Variants in WNT7B observed in about 807,000 individuals in gnomAD.
WNT7B encodes the protein protein Wnt-7b.
A neutral mutation model predicts 38.2 loss-of-function variants in WNT7B; 19 were observed. The observed-to-expected ratio is 0.50, with a 90% CI of 0.35 to 0.73. WNT7B has a LOEUF of 0.73. Among genes scored for constraint, WNT7B ranks in the 30% least tolerant of loss-of-function variants. The probability of loss-of-function intolerance (pLI) is 0.01; values close to 1 mark genes in which losing one functional copy is unlikely to be tolerated. For missense variants in WNT7B, 423 were observed against 507.9 expected, an observed-to-expected ratio of 0.83 and a Z score of 1.61; for synonymous variants, 243 against 209.3, an observed-to-expected ratio of 1.16 and a Z score of -1.39.
At chr22:45,930,058 C>A (rs762502892) in intron 3 of WNT7B, among the ~76,000 whole-genome samples, 2 of 148,620 alleles carry the variant, frequency 1.3e-5, no homozygotes, top group African/African-American at 5.0e-5. Flanking sequence ...TGTTCAAGAT[C>A]TCTTCTGTGC....
chr22:45,932,210 G>A (rs1931385648), intron 2 of WNT7B, among the ~76,000 whole-genome samples: 1 of 152,176 alleles, frequency 6.6e-6, no homozygotes, highest in Non-Finnish European at 1.5e-5. Flanking sequence ...TGGGAGGGGA[G>A]GGTCCCAGGT....
intron 1 of WNT7B, among the ~76,000 whole-genome samples, chr22:45,964,217 A>C (rs920716281): frequency 6.6e-6 from 1 of 151,782 alleles, no homozygotes; most frequent in Non-Finnish European, 1.5e-5. Flanking sequence ...CTCTCTCCAC[A>C]ACACCAGCCT....
chr22:45,945,723 C>A (rs956133619), intron 2 of WNT7B, among the ~76,000 whole-genome samples: 1 of 152,246 alleles, frequency 6.6e-6, no homozygotes, highest in Non-Finnish European at 1.5e-5. Flanking sequence ...ACCACACGAC[C>A]CCTGGCCTCT....
chr22:45,967,928 G>A (rs1932348820), intron 1 of WNT7B, among the ~76,000 whole-genome samples: 1 of 152,168 alleles, frequency 6.6e-6, no homozygotes, highest in South Asian at 2.1e-4. Flanking sequence ...CCGTGGGACT[G>A]CATAGGGGGA....
chr22:45,954,613 C>A (rs1782620245), intron 1 of WNT7B: 1 of 985,160 alleles, frequency 1.0e-6, no homozygotes, highest in African/African-American at 1.7e-5. Flanking sequence ...CCCTGCGTGC[C>A]CGTGCATGGG....
intron 1 of WNT7B, among the ~76,000 whole-genome samples, chr22:45,962,287 C>A (rs1318276256): frequency 1.3e-5 from 2 of 152,238 alleles, no homozygotes; most frequent in African/African-American, 4.8e-5. Context: ...ACACTCCCAG[C>A]CACCATATCT....
In WNT7B at chr22:45,976,379, C is replaced by T. The variant is rs1932551843; in HGVS notation, c.71+305G>A. Reference sequence around the variant, plus strand: ...GGGAAGGCGCGTCCCACCCCCGGGGCCTGGAGCCCAAACAGGTGAAAGTAC... The same window carrying T: ...GGGAAGGCGCGTCCCACCCCCGGGGTCTGGAGCCCAAACAGGTGAAAGTAC... On this transcript the variant is annotated intron_variant, in intron 1 of 3. Transcript: ENST00000339464. This position sits in a 1 kb window ranked among gnomAD's most constrained non-coding sequence, Gnocchi z 8.5. 6.6e-6 allele frequency among the ~76,000 whole-genome samples: 1 copy of T among 151,352 alleles called. No homozygotes were observed.
rs562963874 is a variant in WNT7B, at chr22:45,929,714, G to A, written c.570+1384C>T. 1.6e-4 allele frequency among the ~76,000 whole-genome samples: 14 copies of A among 85,880 alleles called. No homozygotes were observed. In the East Asian group the frequency reaches 3.0e-3, roughly 18 times the overall value. 56.3% of individuals were successfully genotyped at this position (85,880 alleles called of 152,430 possible). On this transcript the variant is annotated intron_variant, in intron 3 of 3. Coordinates refer to ENST00000339464, the MANE Select transcript of WNT7B (RefSeq NM_058238.3). ...CATCCACCCATCTTTCCATCCACCC[G>A]TGAATCCACTCACCCATCCACCCAC...
intron 3 of WNT7B, chr22:45,926,204 T>G: frequency 1.0e-6 from 1 of 985,420 alleles, no homozygotes; most frequent in Non-Finnish European, 1.2e-6. Flanking sequence ...ATGTGCCGTT[T>G]CCTTCTCCAG....
chr22:45,964,423 C>A (rs974926107), intron 1 of WNT7B, among the ~76,000 whole-genome samples: 2 of 152,150 alleles, frequency 1.3e-5, no homozygotes, highest in African/African-American at 4.8e-5. Context: ...CAGGCCAGCC[C>A]CCCCCAGGCT....
chr22:45,971,777 G>A (rs1415069994), intron 1 of WNT7B, among the ~76,000 whole-genome samples: 1 of 152,208 alleles, frequency 6.6e-6, no homozygotes, highest in East Asian at 1.9e-4. Flanking sequence ...CGCCGCGTGG[G>A]TTAATATGGG....
At chr22:45,950,543 C>T (rs750189157) in intron 1 of WNT7B, among the ~76,000 whole-genome samples, 2 of 152,242 alleles carry the variant, frequency 1.3e-5, no homozygotes, top group Admixed American at 1.3e-4. Flanking sequence ...GCGGCAGACC[C>T]CAACTCCCCG....
At chr22:45,954,861 G>T in intron 1 of WNT7B, 1 of 684,422 alleles carries the variant, frequency 1.5e-6, no homozygotes, top group African/African-American at 1.9e-5. Flanking sequence ...TCCTCACCTT[G>T]CTAGGTGAGT....
intron 2 of WNT7B, among the ~76,000 whole-genome samples, chr22:45,949,437 A>G (rs927698204): frequency 1.3e-5 from 2 of 151,390 alleles, no homozygotes; most frequent in Non-Finnish European, 2.9e-5. Context: ...CCACTCTCGG[A>G]ATCTACGACA....
At chr22:45,954,814 C>A in intron 1 of WNT7B, 1 of 959,790 alleles carries the variant, frequency 1.0e-6, no homozygotes, top group Non-Finnish European at 1.2e-6. Flanking sequence ...TAACTCTGGG[C>A]CGTTGGGACC....
At chr22:45,931,457 T>C in intron 2 of WNT7B, 88 bp from the exon 3 acceptor site, 2 of 1,404,460 alleles carry the variant, frequency 1.4e-6, no homozygotes, top group Non-Finnish European at 1.9e-6. Context: ...TCGATCCACC[T>C]GCTGTTGGCT....
Position 45,931,506 on chromosome 22 carries a change from G to C in WNT7B, c.299-137C>G, listed in dbSNP as rs1484328880. Reference sequence around the variant, plus strand: ...TGGGCTCATCGCTCGCCCCCTCTGTGCCTCTGACTCACCAAAGCGGGGCTG... The same window carrying C: ...TGGGCTCATCGCTCGCCCCCTCTGTCCCTCTGACTCACCAAAGCGGGGCTG... On this transcript the variant is annotated intron_variant, in intron 2 of 3. Transcript: ENST00000339464. The C allele has an allele frequency of 1.0e-5, 11 of 1,083,084 alleles. No individual in the cohort carries two copies. The East Asian group carries it at 2.9e-4, about 28-fold the overall frequency. The allele number at this position is 1,083,084 out of a possible 1,614,324, so 67.1% of individuals were successfully genotyped here.
chr22:45,931,610 G>A (rs1237683323), intron 2 of WNT7B, among the ~76,000 whole-genome samples: 2 of 135,482 alleles, frequency 1.5e-5, no homozygotes, highest in South Asian at 2.5e-4. Context: ...TGAGTGCCTG[G>A]TACACAGCAG....
chr22:45,934,623 A>C (rs1407852248), intron 2 of WNT7B, among the ~76,000 whole-genome samples: 1 of 152,178 alleles, frequency 6.6e-6, no homozygotes, highest in African/African-American at 2.4e-5. Flanking sequence ...GTCCCTGAGC[A>C]GGCTGGCAGA....
Sources: gnomAD v4.1 joint callset for allele counts (sites outside exome capture counted in the v4.1 genomes callset) on GRCh38, gnomAD v4.1.1 for gene constraint, Gnocchi (gnomAD v3.1) non-coding constraint, MANE v1.5 for transcripts, NCBI Gene and HGNC (gene_info 2026-07-23, HGNC 2026-07-21) for gene names.